Variants in EFL1 observed in about 807,000 individuals in gnomAD.
EFL1 encodes elongation factor like GTPase 1.
A neutral mutation model predicts 126.7 loss-of-function variants in EFL1; 76 were observed. That is an observed-to-expected ratio of 0.60 (90% CI 0.50 to 0.73). The LOEUF is 0.73. Ranked by LOEUF, EFL1 falls within the 30% of genes least tolerant of loss-of-function variation. The pLI is 0.00. For missense variants in EFL1, 1,128 were observed against 1,343.2 expected (o/e 0.84, Z 2.50); for synonymous variants, 410 against 448.4 (o/e 0.91, Z 1.08).
intron 15 of EFL1, among the ~76,000 whole-genome samples, chr15:82,173,903 AT>A (rs1453973044): frequency 6.6e-6 from 1 of 152,108 alleles, no homozygotes; most frequent in Non-Finnish European, 1.5e-5. Context: ...TAAAAAATAC[AT>A]TTGGGCCAGG....
chr15:82,211,309 G>A (rs571775108), intron 15 of EFL1, among the ~76,000 whole-genome samples: 1 of 151,628 alleles, frequency 6.6e-6, no homozygotes, highest in East Asian at 1.9e-4. Flanking sequence ...GGCAGATCAT[G>A]AGGTCAGGAG....
intron 16 of EFL1, among the ~76,000 whole-genome samples, chr15:82,158,962 C>G (rs946173743): frequency 6.6e-6 from 1 of 152,126 alleles, no homozygotes; most frequent in African/African-American, 2.4e-5. Flanking sequence ...AGTGGCAGAA[C>G]CTGGTTTAGA....
At chr15:82,247,530 T>C (rs2074983868) in intron 4 of EFL1, among the ~76,000 whole-genome samples, 1 of 152,002 alleles carries the variant, frequency 6.6e-6, no homozygotes, top group African/African-American at 2.4e-5. Context: ...GTAGAAGAAT[T>C]AACTTTTGTA....
chr15:82,159,417 A>C (rs906156533), intron 16 of EFL1, among the ~76,000 whole-genome samples: 1 of 152,052 alleles, frequency 6.6e-6, no homozygotes, highest in Non-Finnish European at 1.5e-5. Context: ...ATATATACAC[A>C]CTTAAATCTG....
rs1387944750 is a variant in EFL1 at position 82,240,402 on chromosome 15, C to T, written c.516+16G>A. Reference sequence around the variant, plus strand: ...TCTTCGTGGCTAAATTTTTTAAATACTAAAAATTAAAATACCTGTTCTAAA... The same window carrying T: ...TCTTCGTGGCTAAATTTTTTAAATATTAAAAATTAAAATACCTGTTCTAAA... On this transcript the variant is annotated intron_variant, in intron 6 of 19. Transcript: ENST00000268206. The T allele has an allele frequency of 6.4e-7, 1 of 1,553,310 alleles. No individual in the cohort carries two copies. The highest frequency in any genetic ancestry group is 8.7e-7 in the Non-Finnish European group (1 of 1,148,754).
intron 15 of EFL1, among the ~76,000 whole-genome samples, chr15:82,166,760 T>C (rs1321608766): frequency 6.6e-6 from 1 of 152,258 alleles, no homozygotes; most frequent in Non-Finnish European, 1.5e-5. Context: ...TTCTCTTTTT[T>C]CTTCTCTATT....
At chr15:82,133,060 T>C (rs2073676719) in intron 19 of EFL1, among the ~76,000 whole-genome samples, 1 of 151,990 alleles carries the variant, frequency 6.6e-6, no homozygotes, top group Admixed American at 6.5e-5. Context: ...AGGGTGAGGG[T>C]AGGTGTAGCT....
In EFL1 at chr15:82,132,687, G is replaced by T. The variant is rs560778390; in HGVS notation, c.3175-2126C>A. 9.7e-5 allele frequency among the ~76,000 whole-genome samples: 11 copies of T among 113,566 alleles called. No individual in the cohort carries two copies. In the East Asian group the frequency reaches 3.1e-3, roughly 32 times the overall value. 74.5% of individuals were successfully genotyped at this position (113,566 alleles called of 152,430 possible). On this transcript the variant is annotated intron_variant, in intron 19 of 19. Coordinates refer to ENST00000268206, the MANE Select transcript of EFL1 (RefSeq NM_024580.6). ...GGAGACAAGGTCCAGGAATTGGGGG[G>T]GGGGGGGGGTAGGCAGAGTGGCAGA...
chr15:82,164,805 G>A (rs998291554), intron 15 of EFL1, among the ~76,000 whole-genome samples: 1 of 151,736 alleles, frequency 6.6e-6, no homozygotes, highest in African/African-American at 2.4e-5. Context: ...GCTGAGGCAG[G>A]TGAATTGCTT....
intron 15 of EFL1, among the ~76,000 whole-genome samples, chr15:82,202,272 T>C (rs1362907500): frequency 1.3e-5 from 2 of 152,126 alleles, no homozygotes; most frequent in African/African-American, 4.8e-5. Flanking sequence ...AAAAGTACTC[T>C]TTTCCTATTT....
chr15:82,231,112 T>G, intron 7 of EFL1, 141 bp from the exon 8 acceptor site: 2 of 1,013,430 alleles, frequency 2.0e-6, no homozygotes, highest in Non-Finnish European at 2.8e-6. Flanking sequence ...CAGAAAAGGG[T>G]AATGAAGCAG....
At chr15:82,153,788 C>A (rs1038202632) in intron 17 of EFL1, among the ~76,000 whole-genome samples, 3 of 152,074 alleles carry the variant, frequency 2.0e-5, no homozygotes, top group African/African-American at 7.2e-5. Flanking sequence ...TTAAAAATAT[C>A]AAATAATCTA....
rs1405393764 is a variant in EFL1 at position 82,262,690 on chromosome 15, C to T, written c.-96G>A. ...CCGAGAGCTTCCGAAAGTCCGAGAGCTCTGCGGGTCCGACACGCCCGCGCG... is the reference window on the plus strand; with the variant it reads ...CCGAGAGCTTCCGAAAGTCCGAGAGTTCTGCGGGTCCGACACGCCCGCGCG... On this transcript the variant is annotated 5_prime_UTR_variant, in exon 1 of 20. Transcript: ENST00000268206. 4 of 605,872 alleles carry T rather than the reference C, an allele frequency of 6.6e-6. No individual in the cohort carries two copies. The highest frequency in any genetic ancestry group is 5.8e-5 in the African/African-American group (3 of 51,782). 37.5% of individuals were successfully genotyped at this position (605,872 alleles called of 1,614,324 possible). A position where few individuals can be genotyped will look rare whatever the true frequency, so the allele number is the denominator to read the frequency against.
At chr15:82,199,325 G>C (rs1040864616) in intron 15 of EFL1, among the ~76,000 whole-genome samples, 2 of 150,334 alleles carry the variant, frequency 1.3e-5, no homozygotes, top group Admixed American at 6.6e-5. Context: ...GAAAGAGAGA[G>C]AGAGAAAGAG....
At chr15:82,157,129 T>G (rs2073976576) in intron 17 of EFL1, among the ~76,000 whole-genome samples, 2 of 152,222 alleles carry the variant, frequency 1.3e-5, no homozygotes, top group South Asian at 4.1e-4. Flanking sequence ...CATAGAACAG[T>G]GCAGATTTAT....
chr15:82,207,367 A>G (rs113038209), intron 15 of EFL1, among the ~76,000 whole-genome samples: 19 of 151,518 alleles, frequency 1.3e-4, no homozygotes, highest in African/African-American at 4.6e-4. Flanking sequence ...TAACTTAACA[A>G]ATGAAACAAA....
chr15:82,138,218 C>T (rs1181687984), intron 19 of EFL1, among the ~76,000 whole-genome samples: 2 of 152,124 alleles, frequency 1.3e-5, no homozygotes, highest in African/African-American at 4.8e-5. Flanking sequence ...AAAGCTACCC[C>T]TTGCAAGAAG....
At chr15:82,176,634 C>T (rs867546264) in intron 15 of EFL1, among the ~76,000 whole-genome samples, 2 of 152,258 alleles carry the variant, frequency 1.3e-5, no homozygotes, top group South Asian at 4.2e-4. Context: ...ACCCCATACA[C>T]ACAAAAATGA....
At chr15:82,190,536 G>A (rs1411170807) in intron 15 of EFL1, among the ~76,000 whole-genome samples, 1 of 152,184 alleles carries the variant, frequency 6.6e-6, no homozygotes, top group Non-Finnish European at 1.5e-5. Flanking sequence ...GTCATAAAGA[G>A]TTGTGCCAGA....
Sources: allele counts gnomAD v4.1 joint callset (sites outside exome capture counted in the v4.1 genomes callset), GRCh38; gene constraint gnomAD v4.1.1; transcripts MANE v1.5; gene names NCBI Gene and HGNC (gene_info 2026-07-23, HGNC 2026-07-21).